The following FRMD7 variants were observed in gnomAD, a reference collection of about 807,000 sequenced individuals.
FRMD7 encodes the protein FERM domain containing 7, also known as FERM domain-containing protein 7.
Under a neutral mutation model 44.1 loss-of-function variants are expected in FRMD7, and 14 were observed. The observed-to-expected ratio is 0.32, with a 90% CI of 0.21 to 0.50. The LOEUF is 0.50. Among genes scored for constraint, FRMD7 ranks in the 20% least tolerant of loss-of-function variants. The pLI is 0.99. For missense variants in FRMD7, 501 were observed against 522.3 expected, an observed-to-expected ratio of 0.96 and a Z score of 0.40; for synonymous variants, 212 against 187.4, an observed-to-expected ratio of 1.13 and a Z score of -1.07.
chrX:132,118,162 T>C (rs1010125248), intron 1 of FRMD7, among the ~76,000 whole-genome samples: 1 of 109,730 alleles, frequency 9.1e-6, no homozygotes, highest in East Asian at 2.9e-4. Context: ...GGGGAGAGAG[T>C]TGGGGATTGG....
rs137852212 is a variant in FRMD7, at chrX:132,084,546, G to A, written c.685C>T (p.Arg229Cys). ...KINTFNWAKI[R>C]KLSFKRKHFL... ...TGCTTTCTCTTAAAACTCAACTTGC[G>A]GATTTTAGCCCAGTTAAAAGTATTG... is the stretch of plus-strand genomic sequence containing the variant. Residue 229 changes from arginine (R) to cysteine (C), a missense_variant, in exon 8 of 12, where the codon CGC (arginine) becomes TGC (cysteine). Physicochemically the swap from Arg to Cys is radical, Grantham distance 180. Transcript: ENST00000298542. 8.5e-7 allele frequency: 1 copy of A among 1,183,301 alleles called. No individual in the cohort carries two copies. The highest frequency in any genetic ancestry group is 1.2e-6 in the Non-Finnish European group (1 of 869,524).
intron 5 of FRMD7, among the ~76,000 whole-genome samples, chrX:132,092,589 C>T (rs1015368399): frequency 8.9e-6 from 1 of 111,777 alleles, no homozygotes; most frequent in Non-Finnish European, 1.9e-5. Flanking sequence ...AGACAATATC[C>T]TCTAGAAAAG....
At chrX:132,120,145 G>T (rs1928999184) in intron 1 of FRMD7, among the ~76,000 whole-genome samples, 1 of 112,369 alleles carries the variant, frequency 8.9e-6, no homozygotes, top group African/African-American at 3.2e-5. Flanking sequence ...ATTTCTCCAA[G>T]TTGCAACTGA....
intron 11 of FRMD7, among the ~76,000 whole-genome samples, chrX:132,079,372 G>A (rs973707395): frequency 1.8e-5 from 2 of 111,840 alleles, no homozygotes; most frequent in East Asian, 2.8e-4. Context: ...TAAAATGGTG[G>A]GAGGAGGGCT....
In FRMD7 at chrX:132,085,695, T is replaced by C; in HGVS notation, c.531A>G (p.Leu177=). ...GRSPAESDIL[L]LDIARKLDMY... is the part of the protein sequence containing the mutation. ...TATCCAGCTTCCTTGCTATGTCCAGTAGCAGAATGTCAGATTCAGCTGGGC... is the reference window on the plus strand; with the variant it reads ...TATCCAGCTTCCTTGCTATGTCCAGCAGCAGAATGTCAGATTCAGCTGGGC... The change falls in exon 7 of 12, where the codon CTA becomes CTG. Residue 177 remains leucine (L), a synonymous_variant. Transcript: ENST00000298542. The C allele has an allele frequency of 8.3e-7, 1 of 1,209,955 alleles. No homozygotes were observed. The highest frequency in any genetic ancestry group is 1.1e-6 in the Non-Finnish European group (1 of 893,847).
chrX:132,127,713 C>T (rs1929189845), intron 1 of FRMD7, 75 bp downstream of exon 1: 1 of 808,799 alleles, frequency 1.2e-6, no homozygotes, highest in Non-Finnish European at 1.9e-6. Flanking sequence ...TAACATTGCT[C>T]TCTAATGGGC....
At chrX:132,086,940 T>C (rs914410930) in intron 5 of FRMD7, among the ~76,000 whole-genome samples, 1 of 112,395 alleles carries the variant, frequency 8.9e-6, no homozygotes, top group Non-Finnish European at 1.9e-5. Context: ...TGAATCATCC[T>C]GAAAATCATT....
In FRMD7 at chrX:132,078,704, G is replaced by T; in HGVS notation, c.1313C>A (p.Ser438Ter). ...GAAGGAGCTTAGAGAACTCCTCTCT[G>T]AAAAAATGTCTCTGGGATCAGGGTT... ...NPNPDPRDIF[S>*]ERSSLSSFQT... The change falls in exon 12 of 12, where the codon TCA (serine) becomes TAA (stop). Residue 438 changes from serine (S) to a stop codon, truncating the protein, a stop_gained. Coordinates refer to ENST00000298542, the MANE Select transcript of FRMD7 (RefSeq NM_194277.3). LOFTEE classifies it high-confidence loss of function. 1 of 1,210,993 alleles carries T rather than the reference G, an allele frequency of 8.3e-7. No homozygotes were observed. Among genetic ancestry groups the T allele is most frequent in the Non-Finnish European group, 1.1e-6 (1 of 894,812 alleles).
intron 5 of FRMD7, 64 bp from the exon 6 acceptor site, chrX:132,086,098 G>T: frequency 1.5e-6 from 1 of 669,304 alleles, no homozygotes; most frequent in Non-Finnish European, 2.5e-6. Context: ...GGAGCATCCA[G>T]CATACCCTTG....
At chrX:132,118,372 C>T (rs73638565) in intron 1 of FRMD7, among the ~76,000 whole-genome samples, 20 of 109,265 alleles carry the variant, frequency 1.8e-4, no homozygotes, top group African/African-American at 4.7e-4. Flanking sequence ...GGCACGCAGA[C>T]GCATTGAAGA....
intron 1 of FRMD7, among the ~76,000 whole-genome samples, chrX:132,102,488 C>T (rs1429914292): frequency 1.8e-5 from 2 of 111,633 alleles, no homozygotes; most frequent in South Asian, 7.5e-4. Flanking sequence ...CCAGGGAGGG[C>T]CTGTTTATAG....
chrX:132,124,360 A>G (rs188372098), intron 1 of FRMD7, among the ~76,000 whole-genome samples: 1 of 112,060 alleles, frequency 8.9e-6, no homozygotes, highest in Non-Finnish European at 1.9e-5. Flanking sequence ...GTCCGTTGTA[A>G]GATCAGCCCT....
chrX:132,110,331 G>A (rs1427911708), intron 1 of FRMD7, among the ~76,000 whole-genome samples: 2 of 110,643 alleles, frequency 1.8e-5, no homozygotes, highest in Non-Finnish European at 3.8e-5. Flanking sequence ...TGGTAGCCTG[G>A]ATTAAGACAG....
chrX:132,085,329 G>C, intron 7 of FRMD7, among the ~76,000 whole-genome samples: 1 of 111,848 alleles, frequency 8.9e-6, no homozygotes, highest in Non-Finnish European at 1.9e-5. Context: ...GATATATATA[G>C]AAAGAAGTCT....
intron 1 of FRMD7, among the ~76,000 whole-genome samples, chrX:132,123,208 A>C (rs1332418298): frequency 8.9e-6 from 1 of 111,832 alleles, no homozygotes; most frequent in Non-Finnish European, 1.9e-5. Flanking sequence ...TACAGTTGAC[A>C]GAACTAAGGC....
rs930377106 is a variant in FRMD7 at position 132,080,893 on chromosome X, T to C, written c.906-627A>G. Among the ~76,000 whole-genome samples the C allele has an allele frequency of 8.0e-5, 9 of 111,898 alleles. No individual in the cohort carries two copies. The Admixed American group carries it at 8.6e-4, about 11-fold the overall frequency. ...GAGTCAACTGACTGATTTTCCATAC[T>C]ACTTTCAATGAGGTTACTTATCTGG... On this transcript the variant is annotated intron_variant, in intron 9 of 11. Transcript: ENST00000298542.
chrX:132,121,904 CCCTTCCAGGATTAATGACT>C (rs1164992566), intron 1 of FRMD7, among the ~76,000 whole-genome samples: 2 of 111,200 alleles, frequency 1.8e-5, no homozygotes, highest in African/African-American at 3.3e-5. Context: ...TTCTTATGGA[CCCTTCCAGGATTAATGACT>C]CCAAAGGGAA....
intron 1 of FRMD7, among the ~76,000 whole-genome samples, chrX:132,102,448 G>A (rs373855003): frequency 3.5e-5 from 2 of 57,783 alleles, no homozygotes; most frequent in Non-Finnish European, 7.2e-5. Flanking sequence ...CAGTTCCCCT[G>A]GGGGGGGTGG....
In FRMD7 at chrX:132,085,950, C is replaced by T; in HGVS notation, c.467G>A (p.Gly156Asp). The change falls in exon 6 of 12, where the codon GGC becomes GAC. Residue 156 changes from glycine to aspartate, a missense_variant. Gly to Asp is a moderately conservative substitution (Grantham distance 94). Coordinates refer to ENST00000298542, the MANE Select transcript of FRMD7 (RefSeq NM_194277.3). ...RYLPNQDCLE[G>D]KIMHFHQKHI... ...CTTCTGATGAAAGTGCATGATCTTG[C>T]CCTCTAAACAGTCTTGGTTTGGTAA... 8.3e-7 allele frequency: 1 copy of T among 1,201,968 alleles called. No homozygotes were observed. The highest frequency in any genetic ancestry group is 1.1e-6 in the Non-Finnish European group (1 of 886,520).
Sources: gnomAD v4.1 joint callset for allele counts (sites outside exome capture counted in the v4.1 genomes callset) on GRCh38, gnomAD v4.1.1 for gene constraint, MANE v1.5 for transcripts, NCBI Gene and HGNC (gene_info 2026-07-23, HGNC 2026-07-21) for gene names.